Variants in PLEKHG5 observed in about 807,000 individuals in gnomAD.
The protein encoded by PLEKHG5 is pleckstrin homology and RhoGEF domain containing G5, also known as pleckstrin homology domain-containing family G member 5.
A neutral mutation model predicts 103.8 loss-of-function variants in PLEKHG5; 52 were observed. The observed-to-expected ratio is 0.50, with a 90% CI of 0.40 to 0.63. The LOEUF (loss-of-function observed/expected upper bound fraction) is 0.63. Ranked by LOEUF, PLEKHG5 falls within the 30% of genes least tolerant of loss-of-function variation. The probability of loss-of-function intolerance (pLI) is 0.00; values close to 1 mark genes in which losing one functional copy is unlikely to be tolerated. For synonymous variants in PLEKHG5, 592 were observed against 575.5 expected, an observed-to-expected ratio of 1.03 and a Z score of -0.41; for missense variants, 1,205 against 1,347.6, an observed-to-expected ratio of 0.89 and a Z score of 1.66.
At position 6,491,165 on chromosome 1, in the gene PLEKHG5, C is replaced by A. The variant is rs1645145244; in HGVS notation, c.-88+472G>T. Among the ~76,000 whole-genome samples, 1 of 151,926 alleles carries A rather than the reference C, an allele frequency of 6.6e-6. No individual in the cohort carries two copies. The highest frequency in any genetic ancestry group is 2.4e-5 in the African/African-American group (1 of 41,336). On this transcript the variant is annotated intron_variant, in intron 1 of 20. Transcript: ENST00000377728. The surrounding 1 kb of genome is among the most constrained non-coding windows in gnomAD (Gnocchi z 4.1). ...TTCTGCCATTTAGTGGTTCCCAGTT[C>A]CCCTCTCCCAGCAGCGGGAGTTTAG... is the stretch of plus-strand genomic sequence containing the variant.
chr1:6,508,219 A>T (rs531942043), intron 1 of PLEKHG5, among the ~76,000 whole-genome samples: 80 of 152,208 alleles, frequency 5.3e-4, no homozygotes, highest in Non-Finnish European at 8.4e-4. Flanking sequence ...TCGGGCTCGG[A>T]GGCTGAACCC....
rs1644831140 is a variant in PLEKHG5 at position 6,478,929 on chromosome 1, C to T, written c.-87-1271G>A. On this transcript the variant is annotated intron_variant, in intron 1 of 20. Coordinates refer to ENST00000377728, the MANE Select transcript of PLEKHG5 (RefSeq NM_020631.6). Reference sequence around the variant, plus strand: ...AAAGTGCTGGGATTACAGGCGTGAGCCACCGCGCCCAGACTTGTTTTAAAA... The same window carrying T: ...AAAGTGCTGGGATTACAGGCGTGAGTCACCGCGCCCAGACTTGTTTTAAAA... 2.6e-5 allele frequency among the ~76,000 whole-genome samples: 4 copies of T among 152,338 alleles called. 1 individual carries two copies. In the South Asian group the frequency reaches 8.3e-4, roughly 32 times the overall value.
chr1:6,504,603 T>C (rs1345213062), intron 1 of PLEKHG5, among the ~76,000 whole-genome samples: 1 of 150,166 alleles, frequency 6.7e-6, no homozygotes, highest in African/African-American at 2.5e-5. Context: ...GGAGTCTCGC[T>C]CTGTCACCCA....
rs893921732 is a variant in PLEKHG5, at chr1:6,490,699, C to A, written c.-88+938G>T. ...GGGAGAGGAGGGGTCCCAGGAAGGG[C>A]CCCGCGCCGGAGCCAGGGAGGTGGC... is the stretch of plus-strand genomic sequence containing the variant. On this transcript the variant is annotated intron_variant, in intron 1 of 20. Coordinates refer to ENST00000377728, the MANE Select transcript of PLEKHG5 (RefSeq NM_020631.6). The surrounding 1 kb of genome is among the most constrained non-coding windows in gnomAD (Gnocchi z 8.0). 1.4e-6 allele frequency: 1 copy of A among 724,276 alleles called. No homozygotes were observed. Among genetic ancestry groups the A allele is most frequent in the Non-Finnish European group, 1.7e-6 (1 of 591,848 alleles). The allele number at this position is 724,276 out of a possible 1,614,324, so 44.9% of individuals were successfully genotyped here.
At chr1:6,499,402 C>A (rs966397452), upstream of PLEKHG5, among the ~76,000 whole-genome samples, 2 of 152,210 alleles carry the variant, frequency 1.3e-5, no homozygotes, top group African/African-American at 4.8e-5. Flanking sequence ...GCCTCTGACC[C>A]CTGGTCTCAG....
upstream of PLEKHG5, among the ~76,000 whole-genome samples, chr1:6,497,869 C>T (rs1645251309): frequency 6.6e-6 from 1 of 152,174 alleles, no homozygotes; most frequent in Non-Finnish European, 1.5e-5. The surrounding 1 kb of genome is among the most constrained non-coding windows in gnomAD (Gnocchi z 6.1). Flanking sequence ...AGTGCAAACG[C>T]GGACAGAGAA....
rs749891873 is a variant in PLEKHG5, at chr1:6,468,010, G to A, written c.2826C>T (p.Val942=). 16 of 1,553,426 alleles carry A rather than the reference G, an allele frequency of 1.0e-5. No individual in the cohort carries two copies. Among genetic ancestry groups the A allele is most frequent in the East Asian group, 7.2e-5 (3 of 41,734 alleles). ...APSPGSGPGL[V]GCLAGEPAGS... is the part of the protein sequence containing the mutation. ...CTGCAGGTTCCCCGGCCAGGCAGCC[G>A]ACTAGCCCAGGACCGCTGCCAGGGC... The change falls in exon 20 of 21, where the codon GTC becomes GTT. Residue 942 remains valine (V), a synonymous_variant. Coordinates refer to ENST00000377728, the MANE Select transcript of PLEKHG5 (RefSeq NM_020631.6).
rs575933575 is a variant in PLEKHG5 at position 6,485,381 on chromosome 1, G to A, written c.-88+6256C>T. 36 of 1,404,116 alleles carry A rather than the reference G, an allele frequency of 2.6e-5. No individual in the cohort carries two copies. In the South Asian group the frequency reaches 4.1e-4, roughly 16 times the overall value. 87.0% of individuals were successfully genotyped at this position (1,404,116 alleles called of 1,614,324 possible). ...CCCAGGAGGGCTCCGAGTCCCGGAG[G>A]GGCAGCCCCGGGCCCGGCCTGGAGG... On this transcript the variant is annotated intron_variant, in intron 1 of 20. Transcript: ENST00000377728.
chr1:6,471,907 C>A (rs1171460691), intron 10 of PLEKHG5, 99 bp from the exon 11 acceptor site: 10 of 1,248,904 alleles, frequency 8.0e-6, no homozygotes, highest in Non-Finnish European at 1.1e-5. Flanking sequence ...TCCCCTTCCC[C>A]GTTCCAGGAG....
rs777368688 is a variant in PLEKHG5, at chr1:6,467,921, G to A, written c.2915C>T (p.Pro972Leu). The A allele has an allele frequency of 1.9e-6, 3 of 1,595,014 alleles. No homozygotes were observed. Among genetic ancestry groups the A allele is most frequent in the Middle Eastern group, 3.6e-4 (2 of 5,624 alleles). Residue 972 changes from proline (P) to leucine (L), a missense_variant, in exon 20 of 21, where the codon CCC becomes CTC. Transcript: ENST00000377728. Reference protein sequence around the residue: ...SGASPRVQPEPPPGVSAQHRK... With the variant: ...SGASPRVQPELPPGVSAQHRK... ...GTGCTGGGCAGAGACCCCTGGTGGG[G>A]GCTCAGGCTGGACCCTGGGAGAGGC... is the stretch of plus-strand genomic sequence containing the variant.
upstream of PLEKHG5, among the ~76,000 whole-genome samples, chr1:6,501,418 C>G (rs1033139274): frequency 3.3e-5 from 5 of 152,350 alleles, no homozygotes; most frequent in Admixed American, 3.3e-4. This position sits in a 1 kb window ranked among gnomAD's most constrained non-coding sequence, Gnocchi z 4.3. Flanking sequence ...ATCCCAGTTC[C>G]AGGTGAACGT....
chr1:6,485,290 C>A, intron 1 of PLEKHG5: 1 of 1,325,316 alleles, frequency 7.5e-7, no homozygotes, highest in Non-Finnish European at 9.7e-7. Flanking sequence ...AACTGGGCAC[C>A]CAGCCCCGTT....
rs1034542025 is a variant in PLEKHG5, at chr1:6,475,605, C to T, written c.150-83G>A. ...GCGGCGAGTGGGCCTGTGGCCTCCCCGCCCTTGGCTCACCCCAGGTGACAG... is the reference window on the plus strand; with the variant it reads ...GCGGCGAGTGGGCCTGTGGCCTCCCTGCCCTTGGCTCACCCCAGGTGACAG... On this transcript the variant is annotated intron_variant, in intron 3 of 20. Coordinates refer to ENST00000377728, the MANE Select transcript of PLEKHG5 (RefSeq NM_020631.6). 10 of 1,199,814 alleles carry T rather than the reference C, an allele frequency of 8.3e-6. No homozygotes were observed. In the African/African-American group the frequency reaches 1.0e-4, roughly 13 times the overall value. 74.3% of individuals were successfully genotyped at this position (1,199,814 alleles called of 1,614,324 possible).
chr1:6,500,613 C>T (rs866909403), upstream of PLEKHG5, among the ~76,000 whole-genome samples: 17 of 148,746 alleles, frequency 1.1e-4, no homozygotes, highest in African/African-American at 4.2e-4. Flanking sequence ...AGACCTAGAA[C>T]CCTGAACTAC....
chr1:6,500,446 C>T (rs1364326012), upstream of PLEKHG5, among the ~76,000 whole-genome samples: 1 of 152,076 alleles, frequency 6.6e-6, no homozygotes, highest in African/African-American at 2.4e-5. Context: ...AGCAACCCCT[C>T]TTATGTGGAC....
intron 1 of PLEKHG5, among the ~76,000 whole-genome samples, chr1:6,508,706 G>C (rs1638397928): frequency 6.6e-6 from 1 of 152,254 alleles, no homozygotes. Context: ...CTTGCATTCT[G>C]TTGTGTGCCC....
At chr1:6,496,893 C>T, upstream of PLEKHG5, 1 of 1,384,440 alleles carries the variant, frequency 7.2e-7, no homozygotes, top group South Asian at 1.5e-5. Context: ...CCAGACTTCC[C>T]AGGGGGTCCC....
At chr1:6,508,951 AC>A (rs1272091263) in intron 1 of PLEKHG5, among the ~76,000 whole-genome samples, 2 of 152,068 alleles carry the variant, frequency 1.3e-5, no homozygotes, top group African/African-American at 4.8e-5. Flanking sequence ...CGCACTGCCC[AC>A]CCCGCTCTAG....
rs1318751773 is a variant in PLEKHG5 at position 6,487,328 on chromosome 1, T to A, written c.-88+4309A>T. Among the ~76,000 whole-genome samples the A allele has an allele frequency of 6.6e-6, 1 of 152,202 alleles. No homozygotes were observed. The highest frequency in any genetic ancestry group is 1.5e-5 in the Non-Finnish European group (1 of 68,044). On this transcript the variant is annotated intron_variant, in intron 1 of 20. Coordinates refer to ENST00000377728, the MANE Select transcript of PLEKHG5 (RefSeq NM_020631.6). The surrounding 1 kb of genome is among the most constrained non-coding windows in gnomAD (Gnocchi z 4.1). The stretch of plus-strand genomic sequence containing the variant: ...TGGGGTTTCGCCATGTTGACCAGGC[T>A]GGTCACTAACTCCTGATCTCAAGTG...
Sources: gnomAD v4.1 joint callset for allele counts (sites outside exome capture counted in the v4.1 genomes callset) on GRCh38, gnomAD v4.1.1 for gene constraint, Gnocchi (gnomAD v3.1) non-coding constraint, MANE v1.5 for transcripts, NCBI Gene and HGNC (gene_info 2026-07-23, HGNC 2026-07-21) for gene names.